NEURL1B: variants seen among roughly 807,000 people sequenced by gnomAD.
NEURL1B encodes the protein neuralized E3 ubiquitin protein ligase 1B.
A neutral mutation model predicts 37.4 loss-of-function variants in NEURL1B; 13 were observed. The observed-to-expected ratio is 0.35, with a 90% confidence interval of 0.23 to 0.55. NEURL1B has a LOEUF of 0.55. Ranked by LOEUF, NEURL1B falls within the 20% of genes least tolerant of loss-of-function variation. The pLI is 0.89. For missense variants in NEURL1B, 790 were observed against 879.2 expected (o/e 0.90, Z 1.28); for synonymous variants, 432 against 426.6 (o/e 1.01, Z -0.16).
rs1159114245 is a variant in NEURL1B at position 172,647,213 on chromosome 5, G to A, written c.31+5776G>A. 1.3e-5 allele frequency among the ~76,000 whole-genome samples: 2 copies of A among 152,170 alleles called. No homozygotes were observed. The highest frequency in any genetic ancestry group is 1.9e-4 in the East Asian group (1 of 5,184). On this transcript the variant is annotated intron_variant, in intron 1 of 4. Transcript: ENST00000369800. The surrounding 1 kb of genome is among the most constrained non-coding windows in gnomAD (Gnocchi z 4.2). ...TGAGGGCTTAAAATAGAAGCCCAGA[G>A]GCCAGGTGTGTGGTTAGAGCTTAGA...
At position 172,686,421 on chromosome 5, in the gene NEURL1B, C is replaced by G. The variant is rs1758498058; in HGVS notation, c.1423+125C>G. ...TTTCCCCCGCATCCTCTCCTTCCCTCAGCTGTATGCTCAGCTGGAGGGAGG... is the reference window on the plus strand; with the variant it reads ...TTTCCCCCGCATCCTCTCCTTCCCTGAGCTGTATGCTCAGCTGGAGGGAGG... On this transcript the variant is annotated intron_variant, in intron 4 of 4. Coordinates refer to ENST00000369800, the MANE Select transcript of NEURL1B (RefSeq NM_001142651.3). The surrounding 1 kb of genome is among the most constrained non-coding windows in gnomAD (Gnocchi z 7.9). The G allele has an allele frequency of 9.5e-7, 1 of 1,053,174 alleles. No individual in the cohort carries two copies. Among genetic ancestry groups the G allele is most frequent in the Admixed American group, 2.3e-5 (1 of 42,694 alleles). The allele number at this position is 1,053,174 out of a possible 1,614,324, so 65.2% of individuals were successfully genotyped here.
At chr5:172,680,857 T>G (rs577966999) in intron 2 of NEURL1B, among the ~76,000 whole-genome samples, 6 of 152,196 alleles carry the variant, frequency 3.9e-5, no homozygotes, top group Non-Finnish European at 8.8e-5. Context: ...TTAAAAATAT[T>G]TTTTCCCATA....
chr5:172,645,872 C>T (rs750120689), intron 1 of NEURL1B, among the ~76,000 whole-genome samples: 11 of 152,144 alleles, frequency 7.2e-5, no homozygotes, highest in Non-Finnish European at 1.6e-4. Context: ...AGTCAGCACC[C>T]AACACTCCAC....
At position 172,686,776 on chromosome 5, in the gene NEURL1B, T is replaced by G. The variant is rs2113340967; in HGVS notation, c.1519T>G (p.Phe507Val). ...GIKNGECTVC[F>V]DGEVDTVIYT... is the part of the protein sequence containing the mutation. ...CAAGAATGGCGAGTGCACGGTGTGCTTCGATGGCGAGGTGGACACGGTCAT... is the reference window on the plus strand; with the variant it reads ...CAAGAATGGCGAGTGCACGGTGTGCGTCGATGGCGAGGTGGACACGGTCAT... The change falls in exon 5 of 5, where the codon TTC (phenylalanine) becomes GTC (valine). Residue 507 changes from phenylalanine to valine, a missense_variant. Phe to Val is a conservative substitution (Grantham distance 50). Coordinates refer to ENST00000369800, the MANE Select transcript of NEURL1B (RefSeq NM_001142651.3). The surrounding 1 kb of genome is among the most constrained non-coding windows in gnomAD (Gnocchi z 7.9). 6.4e-7 allele frequency: 1 copy of G among 1,551,812 alleles called. No individual in the cohort carries two copies. The highest frequency in any genetic ancestry group is 8.7e-7 in the Non-Finnish European group (1 of 1,147,192).
Position 172,675,774 on chromosome 5 carries a change from C to A in NEURL1B, c.577+5444C>A, listed in dbSNP as rs146784751. 2.1e-3 allele frequency among the ~76,000 whole-genome samples: 327 copies of A among 152,348 alleles called. No homozygotes were observed. Among genetic ancestry groups the A allele is most frequent in the African/African-American group, 7.5e-3 (313 of 41,584 alleles). On this transcript the variant is annotated intron_variant, in intron 2 of 4. Transcript: ENST00000369800. This position sits in a 1 kb window ranked among gnomAD's most constrained non-coding sequence, Gnocchi z 4.7. ...TAGTTAACATTTCAGCATCACTAAT[C>A]TGATATCCGAAAATCACTGTTGATG...
intron 1 of NEURL1B, among the ~76,000 whole-genome samples, chr5:172,655,730 T>G (rs1004567927): frequency 5.9e-5 from 9 of 151,476 alleles, no homozygotes; most frequent in Non-Finnish European, 7.4e-5. Context: ...AGTGTTTGTT[T>G]TTTTTTTTTT....
At position 172,675,935 on chromosome 5, in the gene NEURL1B, G is replaced by A. The variant is rs578066913; in HGVS notation, c.577+5605G>A. 5.3e-5 allele frequency among the ~76,000 whole-genome samples: 8 copies of A among 152,268 alleles called. No homozygotes were observed. The South Asian group carries it at 1.7e-3, about 32-fold the overall frequency. On this transcript the variant is annotated intron_variant, in intron 2 of 4. Transcript: ENST00000369800. The surrounding 1 kb of genome is among the most constrained non-coding windows in gnomAD (Gnocchi z 4.7). ...GGAAGCCCTTTCTGGAGGTCCTCGA[G>A]TTCAGGCCAGGCCCTGTGCTTTTTT...
chr5:172,652,108 G>A (rs1757676640), intron 1 of NEURL1B, among the ~76,000 whole-genome samples: 1 of 152,264 alleles, frequency 6.6e-6, no homozygotes, highest in African/African-American at 2.4e-5. Context: ...CTCCAAGGAA[G>A]GCTAAGTTTC....
chr5:172,643,891 G>T (rs1757513532), intron 1 of NEURL1B, among the ~76,000 whole-genome samples: 1 of 151,912 alleles, frequency 6.6e-6, no homozygotes, highest in African/African-American at 2.4e-5. Flanking sequence ...TCTCCTCAAG[G>T]CTTCTGCACT....
chr5:172,686,071 G>C lies in NEURL1B; in HGVS notation c.1298-100G>C, dbSNP rs17075071. 1 of 1,419,174 alleles carries C rather than the reference G, an allele frequency of 7.0e-7. No homozygotes were observed. The highest frequency in any genetic ancestry group is 2.5e-5 in the East Asian group (1 of 40,126). The allele number at this position is 1,419,174 out of a possible 1,614,324, so 87.9% of individuals were successfully genotyped here. ...CCTGGGAGATACCTCTGGTCCTCTC[G>C]TTAGACGGGAAAGCTAAGGTGCAAA... On this transcript the variant is annotated intron_variant, in intron 3 of 4. Coordinates refer to ENST00000369800, the MANE Select transcript of NEURL1B (RefSeq NM_001142651.3). The surrounding 1 kb of genome is among the most constrained non-coding windows in gnomAD (Gnocchi z 7.9).
intron 1 of NEURL1B, among the ~76,000 whole-genome samples, chr5:172,668,412 G>A (rs921257599): frequency 3.9e-5 from 6 of 152,154 alleles, no homozygotes; most frequent in African/African-American, 1.2e-4. Context: ...GCTTCCAGGC[G>A]TGATTTCCTC....
intron 1 of NEURL1B, among the ~76,000 whole-genome samples, chr5:172,659,096 C>T (rs929656853): frequency 3.0e-4 from 44 of 146,538 alleles, no homozygotes; most frequent in African/African-American, 1.0e-3. Flanking sequence ...CCCTCTGTGC[C>T]AGAAGGTGGA....
At chr5:172,673,232 C>T (rs7701674) in intron 2 of NEURL1B, among the ~76,000 whole-genome samples, 31,556 of 152,022 alleles carry the variant, frequency 0.21, 4,536 homozygotes, top group African/African-American at 0.42. Context: ...GGATGAGGCA[C>T]CACGAGAACA....
Position 172,684,014 on chromosome 5 carries a change from C to T in NEURL1B, c.1173C>T (p.Gly391=). The part of the protein sequence containing the change: ...GDALSFTLRP[G]GDVLLGINGR... ...CGCTCAGCTTCACGCTGCGGCCCGG[C>T]GGCGACGTGCTCCTGGGCATCAACG... is the stretch of plus-strand genomic sequence containing the variant. Residue 391 remains glycine, a synonymous_variant, in exon 3 of 5, where the codon GGC becomes GGT. Transcript: ENST00000369800. The T allele has an allele frequency of 2.2e-6, 3 of 1,334,768 alleles. No homozygotes were observed. The highest frequency in any genetic ancestry group is 1.7e-5 in the South Asian group (1 of 58,244). 82.7% of individuals were successfully genotyped at this position (1,334,768 alleles called of 1,614,324 possible). A position where few individuals can be genotyped will look rare whatever the true frequency, so the allele number is the denominator to read the frequency against.
At position 172,687,122 on chromosome 5, in the gene NEURL1B, C is replaced by A; in HGVS notation, c.*197C>A. 2 of 632,040 alleles carry A rather than the reference C, an allele frequency of 3.2e-6. No individual in the cohort carries two copies. The highest frequency in any genetic ancestry group is 2.2e-5 in the South Asian group (1 of 46,170). 39.2% of individuals were successfully genotyped at this position (632,040 alleles called of 1,614,324 possible). ...TTGCTTCTGGCTCCAAAGTGCTTTG[C>A]CCCCAAAAGGCCGTCCCAAGAGCAA... On this transcript the variant is annotated 3_prime_UTR_variant, in exon 5 of 5. Transcript: ENST00000369800.
intron 2 of NEURL1B, among the ~76,000 whole-genome samples, chr5:172,673,516 A>G (rs1013437940): frequency 7.2e-5 from 11 of 152,200 alleles, no homozygotes; most frequent in African/African-American, 2.7e-4. Context: ...CCAACAAACA[A>G]AAGTGGCATC....
chr5:172,669,786 C>T lies in NEURL1B; in HGVS notation c.33C>T (p.Asp11=), dbSNP rs531533119. 2.8e-5 allele frequency: 35 copies of T among 1,265,884 alleles called. No homozygotes were observed. The Admixed American group carries it at 1.4e-3, about 49-fold the overall frequency. 78.4% of individuals were successfully genotyped at this position (1,265,884 alleles called of 1,614,324 possible). A position where few individuals can be genotyped will look rare whatever the true frequency, so the allele number is the denominator to read the frequency against. MGNTVHRTLP[D]PSPPARLLAT... ...CGTGCTGCCTGTGTCTTTCCGCAGA[C>T]CCGAGCCCACCGGCGCGCCTCCTGG... Residue 11 remains aspartate (D), a splice_region_variant and synonymous_variant, in exon 2 of 5, where the codon GAC becomes GAT. Transcript: ENST00000369800.
At position 172,641,332 on chromosome 5, in the gene NEURL1B, G is replaced by A. The variant is rs1300844438; in HGVS notation, c.-75G>A. 2.3e-6 allele frequency: 3 copies of A among 1,315,150 alleles called. No homozygotes were observed. The highest frequency in any genetic ancestry group is 2.9e-6 in the Non-Finnish European group (3 of 1,024,918). 81.5% of individuals were successfully genotyped at this position (1,315,150 alleles called of 1,614,324 possible). On this transcript the variant is annotated 5_prime_UTR_variant, in exon 1 of 5. Transcript: ENST00000369800. This position sits in a 1 kb window ranked among gnomAD's most constrained non-coding sequence, Gnocchi z 6.4. ...GCCCCGGAGCGTCGACCCCGGTCCT[G>A]GTCCCTGGCCCGCCGCGTAATTAGC...
At chr5:172,669,139 A>G (rs1328454116) in intron 1 of NEURL1B, among the ~76,000 whole-genome samples, 1 of 152,166 alleles carries the variant, frequency 6.6e-6, no homozygotes, top group Non-Finnish European at 1.5e-5. Flanking sequence ...TTTCATCCAC[A>G]TTCTCTTTCA....
Sources: allele counts gnomAD v4.1 joint callset (sites outside exome capture counted in the v4.1 genomes callset), GRCh38; gene constraint gnomAD v4.1.1; non-coding constraint Gnocchi (gnomAD v3.1); transcripts MANE v1.5; gene names NCBI Gene and HGNC (gene_info 2026-07-23, HGNC 2026-07-21).